The following YPEL1 variants were observed in gnomAD, a reference collection of about 807,000 sequenced individuals.
YPEL1 encodes the protein yippee like 1.
Under a neutral mutation model 17.3 loss-of-function variants are expected in YPEL1, and 7 were observed. The observed-to-expected ratio is 0.40, with a 90% CI of 0.23 to 0.76. The LOEUF (loss-of-function observed/expected upper bound fraction) is 0.76, where lower values mean the gene tolerates loss of function less well. Among genes scored for constraint, YPEL1 ranks in the 30% least tolerant of loss-of-function variants. The probability of loss-of-function intolerance (pLI) is 0.35; values close to 1 mark genes in which losing one functional copy is unlikely to be tolerated. For missense variants in YPEL1, 91 were observed against 155.5 expected (o/e 0.59, Z 2.21); for synonymous variants, 59 against 59.6 (o/e 0.99, Z 0.05).
At chr22:21,710,516 A>G (rs1313849517) in intron 2 of YPEL1, 112 bp downstream of exon 2, 2 of 942,174 alleles carry the variant, frequency 2.1e-6, no homozygotes, top group Non-Finnish European at 3.5e-6. Context: ...CTAGACGTTC[A>G]GGACACAGCA....
intron 2 of YPEL1, chr22:21,704,166 G>T (rs2148596158): frequency 1.4e-6 from 1 of 718,202 alleles, no homozygotes; most frequent in Non-Finnish European, 2.6e-6. Context: ...TTTAAATGGT[G>T]AGCTTCATAT....
chr22:21,719,147 G>GTA (rs1374170387), intron 1 of YPEL1, among the ~76,000 whole-genome samples: 1 of 152,150 alleles, frequency 6.6e-6, no homozygotes, highest in African/African-American at 2.4e-5. Flanking sequence ...CATGGGGACA[G>GTA]GTATCAGCTC....
intron 1 of YPEL1, among the ~76,000 whole-genome samples, chr22:21,716,419 G>C (rs948240330): frequency 6.6e-6 from 1 of 152,258 alleles, no homozygotes; most frequent in South Asian, 2.1e-4. Context: ...CCAGAAACCA[G>C]AGAGGCGAGC....
Position 21,703,334 on chromosome 22 carries a change from C to T in YPEL1, c.270+36G>A, listed in dbSNP as rs766527523. The T allele has an allele frequency of 3.2e-6, 5 of 1,578,584 alleles. No individual in the cohort carries two copies. The South Asian group carries it at 5.5e-5, about 17-fold the overall frequency. On this transcript the variant is annotated intron_variant, in intron 4 of 4. Transcript: ENST00000339468. The surrounding 1 kb of genome is among the most constrained non-coding windows in gnomAD (Gnocchi z 6.1). ...GCTCAGTGGCAACTTAGTGCCACAT[C>T]CCCTTGTGGCACGAGCATCCCCTTG...
At chr22:21,718,334 G>A (rs367888444) in intron 1 of YPEL1, among the ~76,000 whole-genome samples, 2 of 151,316 alleles carry the variant, frequency 1.3e-5, no homozygotes, top group African/African-American at 4.9e-5. Flanking sequence ...GCGTGGTGGT[G>A]GGCACCTGTA....
In YPEL1 at chr22:21,710,679, G is replaced by A; in HGVS notation, c.66C>T (p.Ser22=). 3 of 1,614,274 alleles carry A rather than the reference G, an allele frequency of 1.9e-6. No homozygotes were observed. Among genetic ancestry groups the A allele is most frequent in the Non-Finnish European group, 2.5e-6 (3 of 1,180,048 alleles). The stretch of plus-strand genomic sequence containing the variant: ...CCAGGTGTGCTCTGCAGTGGATACA[G>A]CTGTACGTTCGGTGACAGTTCGGCA... ...AYLPNCHRTY[S]CIHCRAHLAN... is the part of the protein sequence containing the mutation. The change falls in exon 2 of 5, where the codon AGC becomes AGT. Residue 22 remains serine, a synonymous_variant. Transcript: ENST00000339468.
intron 1 of YPEL1, among the ~76,000 whole-genome samples, chr22:21,711,181 C>G (rs1438897292): frequency 6.6e-6 from 1 of 152,092 alleles, no homozygotes; most frequent in Middle Eastern, 3.2e-3. Flanking sequence ...CGCCACCAAG[C>G]CTGGCCTCCC....
intron 2 of YPEL1, 178 bp downstream of exon 2, chr22:21,710,450 T>C (rs764484463): frequency 4.7e-6 from 3 of 636,098 alleles, no homozygotes; most frequent in Non-Finnish European, 8.4e-6. Context: ...TCTGAGATCG[T>C]GGCACAGCCA....
intron 1 of YPEL1, among the ~76,000 whole-genome samples, chr22:21,711,373 C>T (rs1404406181): frequency 6.6e-6 from 1 of 152,202 alleles, no homozygotes; most frequent in Non-Finnish European, 1.5e-5. Flanking sequence ...TCAAATTCTT[C>T]TTATACCAGG....
chr22:21,707,091 A>G (rs1221794630), intron 2 of YPEL1, among the ~76,000 whole-genome samples: 1 of 152,142 alleles, frequency 6.6e-6, no homozygotes, highest in Non-Finnish European at 1.5e-5. Context: ...ACATTATTTT[A>G]ATGTGATTAT....
chr22:21,717,654 A>C (rs2068240454), intron 1 of YPEL1, among the ~76,000 whole-genome samples: 1 of 152,232 alleles, frequency 6.6e-6, no homozygotes, highest in Non-Finnish European at 1.5e-5. Flanking sequence ...GCAAAACACC[A>C]AAGATAAAGG....
intron 1 of YPEL1, among the ~76,000 whole-genome samples, chr22:21,715,757 TTTTC>T (rs1569062037): frequency 2.2e-5 from 1 of 45,786 alleles, no homozygotes; most frequent in South Asian, 7.7e-4. Context: ...TTTCTTTTTC[TTTTC>T]TTTTTTTTTT....
rs781753808 is a variant in YPEL1 at position 21,710,613 on chromosome 22, G to A, written c.117+15C>T. ...TAATCATTGTGCCATCAATTTTTTG[G>A]CATAAGCCACTTGCCTTGGAGATGA... On this transcript the variant is annotated intron_variant, in intron 2 of 4. Coordinates refer to ENST00000339468, the MANE Select transcript of YPEL1 (RefSeq NM_013313.5). The A allele has an allele frequency of 6.2e-7, 1 of 1,606,786 alleles. No individual in the cohort carries two copies. The highest frequency in any genetic ancestry group is 8.5e-7 in the Non-Finnish European group (1 of 1,173,318).
intron 4 of YPEL1, among the ~76,000 whole-genome samples, chr22:21,702,649 G>C (rs1024688112): frequency 1.3e-5 from 2 of 152,130 alleles, no homozygotes; most frequent in Non-Finnish European, 2.9e-5. Flanking sequence ...AACTGGGGAA[G>C]GCATGGGAGC....
intron 1 of YPEL1, among the ~76,000 whole-genome samples, chr22:21,733,284 G>A (rs2068405638): frequency 1.3e-5 from 2 of 151,808 alleles, no homozygotes; most frequent in African/African-American, 4.8e-5. Flanking sequence ...GGGTGTGGTG[G>A]CACATGCCTG....
chr22:21,704,132 T>C (rs772835476), intron 2 of YPEL1: 51 of 718,300 alleles, frequency 7.1e-5, no homozygotes, highest in Non-Finnish European at 1.3e-4. Flanking sequence ...GTGACTATTA[T>C]TGGGAATCAT....
chr22:21,721,895 C>G (rs2068287445), intron 1 of YPEL1, among the ~76,000 whole-genome samples: 2 of 152,200 alleles, frequency 1.3e-5, no homozygotes, highest in South Asian at 4.1e-4. Context: ...CACCAAGCCC[C>G]TGGCAGCTAC....
chr22:21,704,658 G>GAAA (rs34942655), intron 2 of YPEL1, among the ~76,000 whole-genome samples: 3 of 88,170 alleles, frequency 3.4e-5, no homozygotes, highest in African/African-American at 8.3e-5. Context: ...ACCCCGTCTC[G>GAAA]AAAAAAAAAA....
chr22:21,734,068 A>G (rs1182545218), intron 1 of YPEL1, among the ~76,000 whole-genome samples: 2 of 152,194 alleles, frequency 1.3e-5, no homozygotes, highest in African/African-American at 4.8e-5. Flanking sequence ...AAAAAATGTA[A>G]AGTTAACCAG....
Sources: gnomAD v4.1 joint callset for allele counts (sites outside exome capture counted in the v4.1 genomes callset) on GRCh38, gnomAD v4.1.1 for gene constraint, Gnocchi (gnomAD v3.1) non-coding constraint, MANE v1.5 for transcripts, NCBI Gene and HGNC (gene_info 2026-07-23, HGNC 2026-07-21) for gene names.